Variants in ENTPD5 observed in about 807,000 individuals in gnomAD.
ENTPD5 encodes nucleoside diphosphate phosphatase ENTPD5.
A neutral mutation model predicts 60.2 loss-of-function variants in ENTPD5; 49 were observed. The observed-to-expected ratio is 0.81, with a 90% CI of 0.65 to 1.03. ENTPD5 has a LOEUF of 1.03. Ranked by LOEUF, ENTPD5 falls within the 50% of genes least tolerant of loss-of-function variation. The pLI is 0.00. For synonymous variants in ENTPD5, 187 were observed against 185.4 expected (o/e 1.01, Z -0.07); for missense variants, 480 against 507.6 (o/e 0.95, Z 0.52).
downstream of ENTPD5, chr14:73,961,189 A>G: frequency 1.2e-6 from 2 of 1,613,806 alleles, no homozygotes; most frequent in Non-Finnish European, 1.7e-6. Context: ...GATGCTGACC[A>G]CACGGACTTC....
chr14:74,005,495 G>C (rs753256403), intron 3 of ENTPD5, among the ~76,000 whole-genome samples: 1 of 151,720 alleles, frequency 6.6e-6, no homozygotes, highest in African/African-American at 2.4e-5. Flanking sequence ...CCATCACATC[G>C]GCTGCTATTA....
intron 15 of ENTPD5, among the ~76,000 whole-genome samples, chr14:73,967,481 T>TA (rs1443773142): frequency 1.1e-4 from 17 of 152,302 alleles, no homozygotes; most frequent in African/African-American, 4.1e-4. Context: ...TCCTACTATG[T>TA]AAGCAAGTGC....
intron 3 of ENTPD5, among the ~76,000 whole-genome samples, chr14:73,988,915 C>T (rs1196003248): frequency 6.6e-6 from 1 of 152,136 alleles, no homozygotes; most frequent in African/African-American, 2.4e-5. Flanking sequence ...CCTCTGCCTC[C>T]CGGGTTCATG....
chr14:73,979,521 G>C (rs750705431), intron 6 of ENTPD5, among the ~76,000 whole-genome samples: 1 of 150,788 alleles, frequency 6.6e-6, no homozygotes, highest in Non-Finnish European at 1.5e-5. Flanking sequence ...ACCCAGGCTG[G>C]AGTGCAGTGG....
At chr14:73,969,842 A>C (rs1010626047) in intron 15 of ENTPD5, among the ~76,000 whole-genome samples, 168 bp downstream of exon 15, 1 of 152,196 alleles carries the variant, frequency 6.6e-6, no homozygotes, top group African/African-American at 2.4e-5. Context: ...CATTGCATTG[A>C]GATAATTTCC....
At chr14:73,992,411 G>A (rs1050598610) in intron 3 of ENTPD5, among the ~76,000 whole-genome samples, 3 of 152,150 alleles carry the variant, frequency 2.0e-5, no homozygotes, top group East Asian at 1.9e-4. Flanking sequence ...TAGGCCAGGC[G>A]TGGTGGCTCA....
At chr14:74,000,469 A>T (rs114448832) in intron 3 of ENTPD5, among the ~76,000 whole-genome samples, 1,999 of 151,336 alleles carry the variant, frequency 0.013, 25 homozygotes, top group South Asian at 0.03. Flanking sequence ...CAATTTAAAA[A>T]ATATATATAT....
At chr14:73,994,518 A>G (rs2058265012) in intron 3 of ENTPD5, among the ~76,000 whole-genome samples, 1 of 149,820 alleles carries the variant, frequency 6.7e-6, no homozygotes, top group Admixed American at 6.7e-5. Flanking sequence ...GTGGATCATG[A>G]GGTCAGGAGT....
intron 3 of ENTPD5, among the ~76,000 whole-genome samples, chr14:73,998,786 G>A (rs995185228): frequency 1.2e-4 from 18 of 152,072 alleles, no homozygotes; most frequent in African/African-American, 3.6e-4. Context: ...ATCAAGACAC[G>A]GATGTGGAAA....
At chr14:73,958,311 G>C (rs748157612), downstream of ENTPD5, 3 of 1,612,974 alleles carry the variant, frequency 1.9e-6, no homozygotes, top group Admixed American at 1.7e-5. Context: ...TAGGGGTCTT[G>C]TATATCTACA....
intron 3 of ENTPD5, among the ~76,000 whole-genome samples, chr14:73,992,663 G>A (rs1281805449): frequency 1.6e-4 from 23 of 145,008 alleles, no homozygotes; most frequent in African/African-American, 4.4e-4. Flanking sequence ...CAGCCTAGGC[G>A]ACGGAACAAG....
intron 3 of ENTPD5, among the ~76,000 whole-genome samples, chr14:74,008,439 A>T (rs4903171): frequency 0.015 from 2,271 of 147,052 alleles, 59 homozygotes; most frequent in African/African-American, 0.053. Context: ...CCCAGGCTGG[A>T]GTGCAGTGGC....
chr14:73,961,430 C>T (rs1383254363), downstream of ENTPD5: 2 of 1,613,590 alleles, frequency 1.2e-6, no homozygotes, highest in African/African-American at 1.3e-5. Flanking sequence ...CCAGAGGTCA[C>T]ACCTGAACTC....
At chr14:74,010,136 A>G (rs1356917042) in intron 3 of ENTPD5, among the ~76,000 whole-genome samples, 1 of 152,148 alleles carries the variant, frequency 6.6e-6, no homozygotes, top group Non-Finnish European at 1.5e-5. Context: ...TATGTTGCCC[A>G]GGACAGTCTC....
chr14:73,977,607 C>T (rs934973628), intron 6 of ENTPD5, among the ~76,000 whole-genome samples: 5 of 152,134 alleles, frequency 3.3e-5, no homozygotes, highest in African/African-American at 7.2e-5. Context: ...TAAAGCTAAA[C>T]CAAACCATCT....
intron 15 of ENTPD5, among the ~76,000 whole-genome samples, chr14:73,967,253 G>A (rs187661881): frequency 6.6e-6 from 1 of 152,356 alleles, no homozygotes; most frequent in Admixed American, 6.5e-5. Flanking sequence ...TTCTGGCCCA[G>A]GTTGTGGCCC....
chr14:73,986,968 G>T, intron 4 of ENTPD5, 75 bp from the exon 5 acceptor site: 1 of 1,090,976 alleles, frequency 9.2e-7, no homozygotes, highest in Non-Finnish European at 1.4e-6. Flanking sequence ...GCTGGGCTCT[G>T]TCTCTGTAAG....
At chr14:73,999,126 A>AG (rs1174926638) in intron 3 of ENTPD5, among the ~76,000 whole-genome samples, 1 of 149,614 alleles carries the variant, frequency 6.7e-6, no homozygotes, top group African/African-American at 2.5e-5. Flanking sequence ...TTTTTATTCA[A>AG]GATGCTGAGT....
At chr14:73,955,610 A>T, downstream of ENTPD5, 1 of 1,369,628 alleles carries the variant, frequency 7.3e-7, no homozygotes, top group Non-Finnish European at 1.0e-6. Context: ...GAGGAATCAG[A>T]CAAGGTTCAC....
Sources: allele counts gnomAD v4.1 joint callset (sites outside exome capture counted in the v4.1 genomes callset), GRCh38; gene constraint gnomAD v4.1.1; transcripts MANE v1.5; gene names NCBI Gene and HGNC (gene_info 2026-07-23, HGNC 2026-07-21).